Variants in CNBD1 observed in about 807,000 individuals in gnomAD.
CNBD1 encodes cyclic nucleotide-binding domain-containing protein 1.
Under a neutral mutation model 54.4 loss-of-function variants are expected in CNBD1, and 71 were observed. The observed-to-expected ratio is 1.30, with a 90% confidence interval of 1.08 to 1.59. The LOEUF is 1.59. CNBD1 is among the 40% of genes most tolerant of loss of function. The probability of loss-of-function intolerance (pLI) is 0.00; values close to 1 mark genes in which losing one functional copy is unlikely to be tolerated. For synonymous variants in CNBD1, 182 were observed against 170.7 expected, an observed-to-expected ratio of 1.07 and a Z score of -0.51; for missense variants, 659 against 518.0, an observed-to-expected ratio of 1.27 and a Z score of -2.64.
chr8:87,195,211 C>A (rs934885480), intron 4 of CNBD1, among the ~76,000 whole-genome samples: 17 of 143,684 alleles, frequency 1.2e-4, no homozygotes, highest in African/African-American at 4.1e-4. Flanking sequence ...GTTTTAATTT[C>A]TTTGAGAAAA....
chr8:87,036,494 T>C lies in CNBD1; in HGVS notation c.431+96740T>C, dbSNP rs139428608. Reference sequence around the variant, plus strand: ...CTGTAGTCCCAGCTGCTTGGGAAGCTGAGGCAGGAGAATGGCTTGAACCCA... The same window carrying C: ...CTGTAGTCCCAGCTGCTTGGGAAGCCGAGGCAGGAGAATGGCTTGAACCCA... On this transcript the variant is annotated intron_variant, in intron 4 of 10. Transcript: ENST00000518476. 3.4e-3 allele frequency among the ~76,000 whole-genome samples: 500 copies of C among 147,966 alleles called. 3 individuals carry two copies. Among genetic ancestry groups the C allele is most frequent in the Non-Finnish European group, 5.5e-3 (373 of 67,614 alleles).
chr8:86,923,716 C>G (rs779300775), intron 3 of CNBD1, among the ~76,000 whole-genome samples: 5 of 152,164 alleles, frequency 3.3e-5, no homozygotes, highest in Non-Finnish European at 5.9e-5. Context: ...TTCAAGTGCT[C>G]TGCATGGTTG....
chr8:87,041,951 A>G (rs943256788), intron 4 of CNBD1, among the ~76,000 whole-genome samples: 1 of 152,204 alleles, frequency 6.6e-6, no homozygotes, highest in Admixed American at 6.5e-5. Context: ...ATATTCTAGT[A>G]ATCTAGGAGA....
Position 87,177,343 on chromosome 8 carries a change from A to G in CNBD1, c.432-28650A>G, listed in dbSNP as rs577540874. Among the ~76,000 whole-genome samples the G allele has an allele frequency of 1.1e-3, 173 of 152,336 alleles. 2 individuals carry two copies. The highest frequency in any genetic ancestry group is 3.9e-3 in the African/African-American group (161 of 41,592). On this transcript the variant is annotated intron_variant, in intron 4 of 10. Coordinates refer to ENST00000518476, the MANE Select transcript of CNBD1 (RefSeq NM_173538.3). The stretch of plus-strand genomic sequence containing the variant: ...TTGCTATATCAGTGGTTTTATTCCC[A>G]AGGAATCTCACAGTGTTGAAAACTA...
At position 87,210,002 on chromosome 8, in the gene CNBD1, G is replaced by A. The variant is rs1814059227; in HGVS notation, c.577+3864G>A. 2.0e-5 allele frequency among the ~76,000 whole-genome samples: 3 copies of A among 152,084 alleles called. No individual in the cohort carries two copies. In the South Asian group the frequency reaches 6.2e-4, roughly 32 times the overall value. On this transcript the variant is annotated intron_variant, in intron 5 of 10. Coordinates refer to ENST00000518476, the MANE Select transcript of CNBD1 (RefSeq NM_173538.3). Reference sequence around the variant, plus strand: ...TGAGTGAGTTCTCATGGGATCTGATGGTTTTATAAGGTGCTCTTCCCACTT... The same window carrying A: ...TGAGTGAGTTCTCATGGGATCTGATAGTTTTATAAGGTGCTCTTCCCACTT...
chr8:87,335,326 T>A (rs552271274), intron 8 of CNBD1, among the ~76,000 whole-genome samples: 2 of 152,308 alleles, frequency 1.3e-5, no homozygotes, highest in South Asian at 2.1e-4. Context: ...CTACTATTAC[T>A]GTGTGGGAGA....
intron 4 of CNBD1, among the ~76,000 whole-genome samples, chr8:87,190,877 A>ACATGTACCTAGATCTATTTAGATATAGG (rs1563501547): frequency 1.8e-5 from 1 of 55,708 alleles, no homozygotes; most frequent in Non-Finnish European, 4.3e-5. Flanking sequence ...ATAGATATAG[A>ACATGTACCTAGATCTATTTAGATATAGG]TACATGTACG....
intron 2 of CNBD1, among the ~76,000 whole-genome samples, chr8:87,420,788 G>A (rs1180671841): frequency 7.6e-6 from 1 of 131,860 alleles, no homozygotes. Flanking sequence ...TTTTTTTTTT[G>A]ACAGTCGTTG....
chr8:87,257,084 A>G (rs11776812), intron 6 of CNBD1, among the ~76,000 whole-genome samples: 42,735 of 151,842 alleles, frequency 0.28, 6,475 homozygotes, highest in African/African-American at 0.39. Flanking sequence ...GAAAATGACA[A>G]TTGGGCTGGG....
Position 87,064,765 on chromosome 8 carries a change from T to C in CNBD1, c.431+125011T>C, listed in dbSNP as rs117099394. Among the ~76,000 whole-genome samples the C allele has an allele frequency of 1.6e-3, 238 of 152,074 alleles. 7 individuals are homozygous for C. In the East Asian group the frequency reaches 0.036, roughly 23 times the overall value. Reference sequence around the variant, plus strand: ...TGTAGAATTCTAGATTGTGTCCTAGTGTAGGTGCCATATTATTTATCTTAT... The same window carrying C: ...TGTAGAATTCTAGATTGTGTCCTAGCGTAGGTGCCATATTATTTATCTTAT... On this transcript the variant is annotated intron_variant, in intron 4 of 10. Coordinates refer to ENST00000518476, the MANE Select transcript of CNBD1 (RefSeq NM_173538.3).
intron 10 of CNBD1, among the ~76,000 whole-genome samples, chr8:87,370,487 G>A (rs537804142): frequency 2.3e-4 from 35 of 152,170 alleles, no homozygotes; most frequent in East Asian, 5.8e-4. Flanking sequence ...GTGATGGTGC[G>A]CATTTTTTCA....
intron 2 of CNBD1, among the ~76,000 whole-genome samples, chr8:87,424,351 C>G (rs1286650597): frequency 1.3e-5 from 2 of 152,046 alleles, no homozygotes; most frequent in Admixed American, 1.3e-4. Flanking sequence ...TTTTCTAGTT[C>G]TTTTAATTGT....
chr8:87,332,958 T>C (rs1463091004), intron 8 of CNBD1, among the ~76,000 whole-genome samples: 1 of 152,212 alleles, frequency 6.6e-6, no homozygotes, highest in South Asian at 2.1e-4. Flanking sequence ...TAAATTACTT[T>C]GGGCAGTATG....
At chr8:87,143,210 ATCAAGTCT>A (rs1812408021) in intron 4 of CNBD1, among the ~76,000 whole-genome samples, 1 of 152,130 alleles carries the variant, frequency 6.6e-6, no homozygotes, top group African/African-American at 2.4e-5. Flanking sequence ...AATTCCTAAC[ATCAAGTCT>A]TCATATTCTT....
intron 8 of CNBD1, among the ~76,000 whole-genome samples, chr8:87,336,886 C>CT (rs909176023): frequency 6.6e-6 from 1 of 152,016 alleles, no homozygotes; most frequent in Non-Finnish European, 1.5e-5. Context: ...TTTTTGGTGA[C>CT]TTTTTTTGTT....
Position 87,237,077 on chromosome 8 carries a change from C to A in CNBD1, c.736C>A (p.Leu246Ile). 1 of 1,611,808 alleles carries A rather than the reference C, an allele frequency of 6.2e-7. No homozygotes were observed. Among genetic ancestry groups the A allele is most frequent in the South Asian group, 1.1e-5 (1 of 90,902 alleles). The change falls in exon 6 of 11, where the codon CTT becomes ATT. Residue 246 changes from leucine to isoleucine, a missense_variant. Transcript: ENST00000518476. ...GAGTGAAGAATTCAAAAACTCTACA[C>A]TTGCTGAGATGTACCTACCTTCATA... Reference protein sequence around the residue: ...IWSEEFKNSTLAEMYLPSYDS... With the variant: ...IWSEEFKNSTIAEMYLPSYDS...
At chr8:86,999,001 T>C (rs1388058102) in intron 4 of CNBD1, among the ~76,000 whole-genome samples, 1 of 152,220 alleles carries the variant, frequency 6.6e-6, no homozygotes, top group Non-Finnish European at 1.5e-5. Context: ...TTGCCCACTA[T>C]CTATGTGGAC....
At chr8:87,375,080 G>A (rs1293429425) in intron 10 of CNBD1, among the ~76,000 whole-genome samples, 1 of 151,796 alleles carries the variant, frequency 6.6e-6, no homozygotes, top group East Asian at 1.9e-4. Flanking sequence ...TAATTATACA[G>A]TACATTTAGA....
At chr8:87,391,471 G>C (rs1347288777) in intron 2 of CNBD1, among the ~76,000 whole-genome samples, 2 of 152,098 alleles carry the variant, frequency 1.3e-5, no homozygotes, top group African/African-American at 4.8e-5. Flanking sequence ...TGACTACAAA[G>C]TGTATGTGTA....
Sources: gnomAD v4.1 joint callset for allele counts (sites outside exome capture counted in the v4.1 genomes callset) on GRCh38, gnomAD v4.1.1 for gene constraint, MANE v1.5 for transcripts, NCBI Gene and HGNC (gene_info 2026-07-23, HGNC 2026-07-21) for gene names.